KLRG1: variants seen among roughly 807,000 people sequenced by gnomAD.
KLRG1 encodes the protein killer cell lectin like receptor G1.
KLRG1 carries 16 observed loss-of-function variants against 21.8 expected under a neutral mutation model. The ratio of observed to expected loss-of-function variants is 0.73; its 90% CI spans 0.50 to 1.11. The LOEUF is 1.11. KLRG1 is among the 50% of genes most tolerant of loss of function. The pLI is 0.00. For synonymous variants in KLRG1, 69 were observed against 75.9 expected (o/e 0.91, Z 0.47); for missense variants, 173 against 218.3 (o/e 0.79, Z 1.31).
the KLRG1 span, chr12:9,091,557 A>G: frequency 5.3e-5 from 49 of 922,020 alleles, no homozygotes; most frequent in African/African-American, 7.9e-4. Context: ...AATAATGGAG[A>G]GTATAATCAA....
chr12:9,187,647 C>G, the KLRG1 span, among the ~76,000 whole-genome samples: 1 of 152,262 alleles, frequency 6.6e-6, no homozygotes, highest in African/African-American at 2.4e-5. Context: ...AACAAAGATA[C>G]AACACACCAG....
At chr12:9,202,300 A>G in the KLRG1 span, 1 of 1,605,436 alleles carries the variant, frequency 6.2e-7, no homozygotes, top group South Asian at 1.1e-5. Context: ...AACCCAAACC[A>G]CAGATAGTGG....
the KLRG1 span, chr12:9,074,631 T>C: frequency 6.2e-7 from 1 of 1,613,886 alleles, no homozygotes; most frequent in Non-Finnish European, 8.5e-7. Flanking sequence ...GTTGCAGAGG[T>C]CAGGTCCTCC....
chr12:9,109,819 T>A, the KLRG1 span: 2 of 1,530,570 alleles, frequency 1.3e-6, no homozygotes, highest in Non-Finnish European at 1.8e-6. Flanking sequence ...GACCTAAGAG[T>A]TTAAATATGA....
At chr12:9,198,883 A>G in the KLRG1 span, among the ~76,000 whole-genome samples, 1 of 152,160 alleles carries the variant, frequency 6.6e-6, no homozygotes, top group Non-Finnish European at 1.5e-5. Flanking sequence ...TGAGGCAGAG[A>G]TCTAGGCGTT....
chr12:9,015,625 A>G (rs774043566), downstream of KLRG1, among the ~76,000 whole-genome samples: 1 of 152,296 alleles, frequency 6.6e-6, no homozygotes, highest in African/African-American at 2.4e-5. Context: ...CAACAAAGAA[A>G]CATCAGACTT....
the KLRG1 span, among the ~76,000 whole-genome samples, chr12:9,040,368 T>G: frequency 6.6e-6 from 1 of 152,196 alleles, no homozygotes; most frequent in Non-Finnish European, 1.5e-5. Flanking sequence ...AGTCAGGAAA[T>G]CTTTCCTTAG....
At chr12:9,166,009 A>AT in the KLRG1 span, 5 of 1,566,032 alleles carry the variant, frequency 3.2e-6, no homozygotes, top group Non-Finnish European at 3.4e-6. Flanking sequence ...GAGGAACCAC[A>AT]TTCCCTCCCC....
At chr12:9,192,647 G>A in the KLRG1 span, 1 of 1,614,098 alleles carries the variant, frequency 6.2e-7, no homozygotes, top group Non-Finnish European at 8.5e-7. Context: ...TTCCACTTAA[G>A]GAGAAAACAC....
chr12:9,183,446 C>T, the KLRG1 span, among the ~76,000 whole-genome samples: 44 of 152,208 alleles, frequency 2.9e-4, no homozygotes, highest in South Asian at 5.0e-3. Flanking sequence ...GTTGCCCAGG[C>T]TGAAATGCAG....
chr12:9,148,930 A>G, the KLRG1 span: 6 of 1,539,996 alleles, frequency 3.9e-6, no homozygotes, highest in Non-Finnish European at 5.4e-6. Context: ...AAGTAAATGT[A>G]TAGGACAGAG....
chr12:8,988,145 C>G (rs555592360), upstream of KLRG1, among the ~76,000 whole-genome samples: 1 of 152,226 alleles, frequency 6.6e-6, no homozygotes, highest in Non-Finnish European at 1.5e-5. Context: ...GGGTGCCTCT[C>G]TCTTGTGAAT....
At chr12:9,208,146 T>G in the KLRG1 span, 1 of 698,504 alleles carries the variant, frequency 1.4e-6, no homozygotes. Flanking sequence ...TTTCTTATAT[T>G]TGGAAGGTAT....
chr12:9,012,353 A>T (rs1947643685), downstream of KLRG1, among the ~76,000 whole-genome samples: 1 of 152,132 alleles, frequency 6.6e-6, no homozygotes, highest in South Asian at 2.1e-4. Flanking sequence ...TTTCTGGATG[A>T]TATTTTAAGA....
the KLRG1 span, chr12:9,072,668 T>A: frequency 1.9e-6 from 3 of 1,614,182 alleles, no homozygotes; most frequent in Admixed American, 1.7e-5. Context: ...GGTAGACACA[T>A]CCTTCTCCTG....
chr12:9,105,071 G>T, the KLRG1 span, among the ~76,000 whole-genome samples: 1 of 152,114 alleles, frequency 6.6e-6, no homozygotes, highest in Non-Finnish European at 1.5e-5. Flanking sequence ...TAAATAAGTT[G>T]CCAAATCTAA....
At chr12:9,200,979 A>T in the KLRG1 span, 1 of 1,614,128 alleles carries the variant, frequency 6.2e-7, no homozygotes, top group Non-Finnish European at 8.5e-7. Context: ...ATGGGCTCTG[A>T]TGAGAGGGGA....
At chr12:9,117,478 T>C in the KLRG1 span, among the ~76,000 whole-genome samples, 5 of 152,304 alleles carry the variant, frequency 3.3e-5, no homozygotes, top group South Asian at 6.2e-4. Context: ...GCTCAGTGAA[T>C]ATATCAATGT....
the KLRG1 span, among the ~76,000 whole-genome samples, chr12:9,140,931 T>G: frequency 6.6e-6 from 1 of 152,212 alleles, no homozygotes; most frequent in African/African-American, 2.4e-5. Context: ...TCAAATCATG[T>G]TCTGTTACAA....
Sources: gnomAD v4.1 joint callset for allele counts (sites outside exome capture counted in the v4.1 genomes callset) on GRCh38, gnomAD v4.1.1 for gene constraint, MANE v1.5 for transcripts, NCBI Gene and HGNC (gene_info 2026-07-23, HGNC 2026-07-21) for gene names.